SLIT3: variants seen among roughly 807,000 people sequenced by gnomAD.
SLIT3 encodes slit guidance ligand 3, also known as slit homolog 3 protein.
A neutral mutation model predicts 184.0 loss-of-function variants in SLIT3; 68 were observed. The ratio of observed to expected loss-of-function variants is 0.37; its 90% CI spans 0.30 to 0.45. The LOEUF (loss-of-function observed/expected upper bound fraction) is 0.45, where lower values mean the gene tolerates loss of function less well. Ranked by LOEUF, SLIT3 falls within the 20% of genes least tolerant of loss-of-function variation. The pLI is 1.00. For missense variants in SLIT3, 1,707 were observed against 2,026.0 expected, an observed-to-expected ratio of 0.84 and a Z score of 3.02; for synonymous variants, 831 against 828.6, an observed-to-expected ratio of 1.00 and a Z score of -0.05.
chr5:168,935,065 G>A (rs1466725512), intron 4 of SLIT3, among the ~76,000 whole-genome samples: 1 of 149,446 alleles, frequency 6.7e-6, no homozygotes, highest in Non-Finnish European at 1.5e-5. Context: ...TTGAACCCGG[G>A]AGGTGGAGGT....
intron 9 of SLIT3, among the ~76,000 whole-genome samples, chr5:168,804,189 A>T (rs1756870511): frequency 6.6e-6 from 1 of 151,612 alleles, no homozygotes; most frequent in African/African-American, 2.4e-5. Flanking sequence ...GGCACCTATA[A>T]TCCCAGCTAC....
At chr5:168,776,219 C>T (rs938905769) in intron 12 of SLIT3, among the ~76,000 whole-genome samples, 3 of 152,138 alleles carry the variant, frequency 2.0e-5, no homozygotes, top group Non-Finnish European at 2.9e-5. Context: ...TGCCACCTCT[C>T]CCTTAGCTGC....
At chr5:169,272,663 G>C (rs904428731) in intron 1 of SLIT3, among the ~76,000 whole-genome samples, 8 of 152,144 alleles carry the variant, frequency 5.3e-5, no homozygotes, top group African/African-American at 1.9e-4. Flanking sequence ...GAAGGGAAGG[G>C]AACAAGAAGC....
At chr5:168,776,294 A>G (rs748263285) in intron 12 of SLIT3, among the ~76,000 whole-genome samples, 20 of 152,204 alleles carry the variant, frequency 1.3e-4, no homozygotes, top group Non-Finnish European at 2.5e-4. Context: ...GGCAGTGACA[A>G]GTGGAAGAAG....
At chr5:169,205,874 G>C (rs1319189543) in intron 3 of SLIT3, among the ~76,000 whole-genome samples, 3 of 152,212 alleles carry the variant, frequency 2.0e-5, no homozygotes, top group Non-Finnish European at 2.9e-5. Flanking sequence ...CATACTGCTT[G>C]AAAGAGGGTC....
intron 26 of SLIT3, among the ~76,000 whole-genome samples, chr5:168,704,682 T>C (rs1351484176): frequency 6.6e-6 from 1 of 152,220 alleles, no homozygotes; most frequent in East Asian, 1.9e-4. Context: ...GGCATTATAG[T>C]AGATTAAGAG....
At chr5:169,085,272 A>C (rs1759245531) in intron 4 of SLIT3, among the ~76,000 whole-genome samples, 1 of 152,204 alleles carries the variant, frequency 6.6e-6, no homozygotes, top group South Asian at 2.1e-4. Context: ...GTTATAAAGA[A>C]TGAGAACGGC....
chr5:169,019,220 T>C (rs565660304), intron 4 of SLIT3, among the ~76,000 whole-genome samples: 1 of 152,324 alleles, frequency 6.6e-6, no homozygotes, highest in East Asian at 1.9e-4. Context: ...CACTGTCCCT[T>C]CTCAGACCTG....
chr5:169,117,231 C>T (rs952800531), intron 4 of SLIT3, among the ~76,000 whole-genome samples: 8 of 152,180 alleles, frequency 5.3e-5, no homozygotes, highest in Non-Finnish European at 1.2e-4. Context: ...TACAAACTGC[C>T]AGGATACATA....
chr5:168,998,041 C>G (rs116083375), intron 4 of SLIT3, among the ~76,000 whole-genome samples: 5,322 of 152,062 alleles, frequency 0.035, 117 homozygotes, highest in Middle Eastern at 0.051. Context: ...TGTTCATATT[C>G]AAAGCCAGGT....
At chr5:168,844,845 A>C in intron 5 of SLIT3, 190 bp from the exon 6 acceptor site, 2 of 554,344 alleles carry the variant, frequency 3.6e-6, no homozygotes, top group Non-Finnish European at 3.2e-6. Context: ...AGAGAACTAC[A>C]CAGACGAGCG....
chr5:168,843,528 G>T (rs1297333437), intron 6 of SLIT3, among the ~76,000 whole-genome samples: 2 of 152,086 alleles, frequency 1.3e-5, no homozygotes, highest in African/African-American at 2.4e-5. Context: ...TACATAATTT[G>T]GAAAGGGGAA....
chr5:168,969,396 C>T (rs184962514), intron 4 of SLIT3, among the ~76,000 whole-genome samples: 23 of 152,316 alleles, frequency 1.5e-4, no homozygotes, highest in Non-Finnish European at 2.8e-4. Flanking sequence ...CGGGAGTCAG[C>T]GTTTAACTGG....
intron 3 of SLIT3, among the ~76,000 whole-genome samples, chr5:169,224,573 G>C (rs564212115): frequency 6.6e-6 from 1 of 152,176 alleles, no homozygotes; most frequent in Non-Finnish European, 1.5e-5. Context: ...TCACCATGTG[G>C]TCCATACTGG....
chr5:169,195,929 T>A (rs1763727631), intron 3 of SLIT3, among the ~76,000 whole-genome samples: 1 of 152,180 alleles, frequency 6.6e-6, no homozygotes, highest in Non-Finnish European at 1.5e-5. Flanking sequence ...AACTGTACAC[T>A]AAAAGTGTAG....
chr5:169,096,716 T>C (rs1759800320), intron 4 of SLIT3, among the ~76,000 whole-genome samples: 1 of 152,178 alleles, frequency 6.6e-6, no homozygotes, highest in Non-Finnish European at 1.5e-5. Context: ...GCCAGTGAGA[T>C]GTAGCCCATC....
chr5:168,749,368 G>A (rs928337818), intron 19 of SLIT3, 104 bp downstream of exon 19: 7 of 1,380,638 alleles, frequency 5.1e-6, no homozygotes, highest in African/African-American at 1.4e-5. Flanking sequence ...CATGCCCAAA[G>A]CAAAGTGGAA....
At chr5:168,762,254 T>G (rs942711456) in intron 15 of SLIT3, among the ~76,000 whole-genome samples, 46 of 152,252 alleles carry the variant, frequency 3.0e-4, no homozygotes, top group African/African-American at 1.0e-3. Context: ...AGGGACTACC[T>G]GCTCTGCTCT....
chr5:169,176,535 T>C (rs1762991278), intron 4 of SLIT3, among the ~76,000 whole-genome samples: 1 of 152,172 alleles, frequency 6.6e-6, no homozygotes, highest in South Asian at 2.1e-4. Flanking sequence ...TGGCATTGAA[T>C]TGTTTGAAAG....
Sources: gnomAD v4.1 joint callset for allele counts (sites outside exome capture counted in the v4.1 genomes callset) on GRCh38, gnomAD v4.1.1 for gene constraint, MANE v1.5 for transcripts, NCBI Gene and HGNC (gene_info 2026-07-23, HGNC 2026-07-21) for gene names.